COQ8B: variants seen among roughly 807,000 people sequenced by gnomAD.
The protein encoded by COQ8B is coenzyme Q8B, also known as atypical kinase COQ8B, mitochondrial.
COQ8B carries 44 observed loss-of-function variants against 62.0 expected under a neutral mutation model. The observed-to-expected ratio is 0.71, with a 90% confidence interval of 0.56 to 0.91. COQ8B has a LOEUF of 0.91. Among genes scored for constraint, COQ8B ranks in the 40% least tolerant of loss-of-function variants. The pLI is 0.00. For missense variants in COQ8B, 649 were observed against 731.6 expected, an observed-to-expected ratio of 0.89 and a Z score of 1.30; for synonymous variants, 252 against 289.9, an observed-to-expected ratio of 0.87 and a Z score of 1.33.
intron 5 of COQ8B, 81 bp downstream of exon 5, chr19:40,709,978 G>A (rs1037247828): frequency 1.4e-6 from 2 of 1,436,510 alleles, no homozygotes; most frequent in African/African-American, 2.8e-5. Flanking sequence ...TGAGGAAACT[G>A]GAGCTCAGAG....
At chr19:40,714,009 T>C in intron 4 of COQ8B, 58 bp downstream of exon 4, 1 of 1,564,906 alleles carries the variant, frequency 6.4e-7, no homozygotes, top group African/African-American at 1.4e-5. Context: ...TGCTTCAATC[T>C]GTAAATGTTG....
In COQ8B at chr19:40,692,248, CA is replaced by C; in HGVS notation, c.1421del (p.Leu474ArgfsTer?). The C allele has an allele frequency of 6.2e-7, 1 of 1,612,614 alleles. No individual in the cohort carries two copies. The highest frequency in any genetic ancestry group is 8.5e-7 in the Non-Finnish European group (1 of 1,179,318). On this transcript the variant is annotated frameshift_variant, in exon 15 of 15. Coordinates refer to ENST00000324464, the MANE Select transcript of COQ8B (RefSeq NM_024876.4). LOFTEE classifies it low-confidence loss of function (END_TRUNC). ...RRIQDLIPVLLRHRLCPPPEE... is the reference protein window; with the variant it reads ...RRIQDLIPVLXRHRLCPPPEE... ...CGGGTGGGGGACACAGCCGGTGCCG[CA>C]GCAGCACCGGGATGAGGTCCTGTAT...
chr19:40,702,466 G>T, intron 10 of COQ8B, 134 bp downstream of exon 10: 1 of 854,392 alleles, frequency 1.2e-6, no homozygotes, highest in Non-Finnish European at 2.0e-6. Context: ...GTGGAAGGAT[G>T]GATGAACAAT....
At chr19:40,703,971 T>C in intron 7 of COQ8B, 116 bp from the exon 8 acceptor site, 2 of 1,321,212 alleles carry the variant, frequency 1.5e-6, no homozygotes, top group Non-Finnish European at 2.0e-6. Flanking sequence ...GCTAAGCTCT[T>C]GGCTGCCACC....
At chr19:40,706,975 G>A (rs574814243) in intron 5 of COQ8B, among the ~76,000 whole-genome samples, 1 of 152,192 alleles carries the variant, frequency 6.6e-6, no homozygotes, top group South Asian at 2.1e-4. Flanking sequence ...GTTACACCAC[G>A]CAAAAAAGAA....
At position 40,714,596 on chromosome 19, in the gene COQ8B, C is replaced by T. The variant is rs776470920; in HGVS notation, c.37G>A (p.Gly13Ser). The change falls in exon 2 of 15, where the codon GGT (glycine) becomes AGT (serine). Residue 13 changes from glycine to serine, a missense_variant. By Grantham distance (56) the Gly-to-Ser change is moderately conservative. Coordinates refer to ENST00000324464, the MANE Select transcript of COQ8B (RefSeq NM_024876.4). ...LKVGGLLRGTGGQLGQTVGWP... is the reference protein window; with the variant it reads ...LKVGGLLRGTSGQLGQTVGWP... ...CCAACAGTCTGGCCCAGCTGTCCAC[C>T]GGTCCCCCGAAGTAGGCCCCCCACC... 21 of 1,611,526 alleles carry T rather than the reference C, an allele frequency of 1.3e-5. No individual in the cohort carries two copies. Among genetic ancestry groups the T allele is most frequent in the Middle Eastern group, 3.3e-4 (2 of 6,068 alleles).
intron 12 of COQ8B, 93 bp from the exon 13 acceptor site, chr19:40,696,147 C>T (rs2144685111): frequency 7.2e-7 from 1 of 1,396,184 alleles, no homozygotes; most frequent in East Asian, 2.3e-5. Context: ...CTCCCCATGA[C>T]CCTGCCTGCT....
chr19:40,715,637 A>G (rs2082179834), intron 1 of COQ8B: 1 of 978,564 alleles, frequency 1.0e-6, no homozygotes, highest in Non-Finnish European at 1.2e-6. Context: ...TCGTGTACAT[A>G]CCCTCCCCCC....
chr19:40,695,368 A>G lies in COQ8B; in HGVS notation c.1209+621T>C, dbSNP rs149435905. 1.9e-3 allele frequency among the ~76,000 whole-genome samples: 291 copies of G among 152,188 alleles called. 1 individual carries two copies. The highest frequency in any genetic ancestry group is 3.1e-3 in the Non-Finnish European group (212 of 67,984). ...AAAAAAAGGAAAAGAAAACGTTTAG[A>G]TTGATGGCTACATGATTAGAGGACC... On this transcript the variant is annotated intron_variant, in intron 13 of 14. Transcript: ENST00000324464.
At chr19:40,705,507 G>A (rs1046760434) in intron 5 of COQ8B, 60 bp from the exon 6 acceptor site, 33 of 1,487,324 alleles carry the variant, frequency 2.2e-5, no homozygotes, top group Middle Eastern at 1.8e-4. Flanking sequence ...GGCCAGGCCC[G>A]GCGGCCCACG....
intron 13 of COQ8B, among the ~76,000 whole-genome samples, chr19:40,694,719 G>A (rs1287926108): frequency 6.6e-6 from 1 of 152,172 alleles, no homozygotes; most frequent in Non-Finnish European, 1.5e-5. Flanking sequence ...GCCTCGTCTT[G>A]GCACATGTTG....
intron 4 of COQ8B, among the ~76,000 whole-genome samples, chr19:40,712,837 T>C (rs181641364): frequency 2.6e-5 from 4 of 152,324 alleles, no homozygotes; most frequent in East Asian, 3.9e-4. Flanking sequence ...TTAGCCTCAA[T>C]GTCCTCATGT....
At chr19:40,710,380 G>C (rs1213993394) in intron 4 of COQ8B, among the ~76,000 whole-genome samples, 1 of 152,196 alleles carries the variant, frequency 6.6e-6, no homozygotes, top group African/African-American at 2.4e-5. Flanking sequence ...GAGTAGCTGG[G>C]ATTACAGGCA....
intron 12 of COQ8B, among the ~76,000 whole-genome samples, chr19:40,697,935 G>T (rs540343676): frequency 1.4e-5 from 2 of 145,164 alleles, no homozygotes; most frequent in South Asian, 4.4e-4. Flanking sequence ...GTGTCCCAAG[G>T]CCAGGCGCAA....
Position 40,695,899 on chromosome 19 carries a change from G to C in COQ8B, c.1209+90C>G, listed in dbSNP as rs1011578995. 4.6e-6 allele frequency: 6 copies of C among 1,305,794 alleles called. No individual in the cohort carries two copies. The African/African-American group carries it at 8.8e-5, about 19-fold the overall frequency. 80.9% of individuals were successfully genotyped at this position (1,305,794 alleles called of 1,614,324 possible). On this transcript the variant is annotated intron_variant, in intron 13 of 14. Transcript: ENST00000324464. ...TATTATTTATTATTTCTTAATTCCA[G>C]AAACTGCATTTCGCCTTCTTACTCC...
chr19:40,714,277 C>A lies in COQ8B; in HGVS notation c.222+1G>T. On this transcript the variant is annotated splice_donor_variant, in intron 3 of 14. Coordinates refer to ENST00000324464, the MANE Select transcript of COQ8B (RefSeq NM_024876.4). LOFTEE classifies it high-confidence loss of function. ...TGCTGGGTGGGTGGGGGTAATGATA[C>A]CTGGGGCCGGGGTGTCTTCCTGGGA... 6.2e-7 allele frequency: 1 copy of A among 1,611,346 alleles called. No individual in the cohort carries two copies. The highest frequency in any genetic ancestry group is 8.5e-7 in the Non-Finnish European group (1 of 1,178,518).
At chr19:40,693,872 C>CT (rs77595071) in intron 13 of COQ8B, among the ~76,000 whole-genome samples, 19,801 of 152,076 alleles carry the variant, frequency 0.13, 1,746 homozygotes, top group African/African-American at 0.25. Context: ...GGAGTGGAAC[C>CT]GGGTCACACC....
intron 1 of COQ8B, chr19:40,715,556 A>G (rs1315995249): frequency 5.1e-6 from 5 of 984,494 alleles, no homozygotes; most frequent in African/African-American, 1.8e-5. Context: ...CTGGCACCCA[A>G]CCTCCTTCCT....
rs758921688 is a variant in COQ8B, at chr19:40,705,374, A to C, written c.441T>G (p.Cys147Trp). Residue 147 changes from cysteine to tryptophan, a missense_variant, in exon 6 of 15, where the codon TGT becomes TGG. Cys to Trp is a radical substitution (Grantham distance 215). Transcript: ENST00000324464. ...ANAERIVQTLCTVRGAALKVG... is the reference protein window; with the variant it reads ...ANAERIVQTLWTVRGAALKVG... ...CCTTGAGGGCGGCCCCTCGAACTGT[A>C]CATAAGGTCTGCACAATCCGCTCGG... is the stretch of plus-strand genomic sequence containing the variant. 19 of 1,602,130 alleles carry C rather than the reference A, an allele frequency of 1.2e-5. No individual in the cohort carries two copies. Among genetic ancestry groups the C allele is most frequent in the Non-Finnish European group, 1.6e-5 (19 of 1,170,316 alleles).
Sources: gnomAD v4.1 joint callset for allele counts (sites outside exome capture counted in the v4.1 genomes callset) on GRCh38, gnomAD v4.1.1 for gene constraint, MANE v1.5 for transcripts, NCBI Gene and HGNC (gene_info 2026-07-23, HGNC 2026-07-21) for gene names.